IRAK2: variants seen among roughly 807,000 people sequenced by gnomAD.
IRAK2 encodes interleukin-1 receptor-associated kinase-like 2.
IRAK2 carries 57 observed loss-of-function variants against 72.0 expected under a neutral mutation model. That is an observed-to-expected ratio of 0.79 (90% confidence interval 0.64 to 0.99). The LOEUF (loss-of-function observed/expected upper bound fraction) is 0.99. IRAK2 is among the 50% of genes least tolerant of loss of function. The probability of loss-of-function intolerance (pLI) is 0.00; values close to 1 mark genes in which losing one functional copy is unlikely to be tolerated. For missense variants in IRAK2, 790 were observed against 794.4 expected, an observed-to-expected ratio of 0.99 and a Z score of 0.07; for synonymous variants, 293 against 312.7, an observed-to-expected ratio of 0.94 and a Z score of 0.67.
chr3:10,213,266 T>C lies in IRAK2; in HGVS notation c.588T>C (p.Leu196=), dbSNP rs1341286969. 1 of 1,614,150 alleles carries C rather than the reference T, an allele frequency of 6.2e-7. No homozygotes were observed. The highest frequency in any genetic ancestry group is 1.7e-5 in the Admixed American group (1 of 60,004). ...TTTTGAGCTTGGCTGGAGACAGCCTTTTCTGGAGTGAGGCAGACGTGGTCC... is the reference window on the plus strand; with the variant it reads ...TTTTGAGCTTGGCTGGAGACAGCCTCTTCTGGAGTGAGGCAGACGTGGTCC... ...EKLLSLAGDS[L]FWSEADVVQA... Residue 196 remains leucine, a synonymous_variant, in exon 5 of 13, where the codon CTT becomes CTC. Transcript: ENST00000256458.
intron 1 of IRAK2, among the ~76,000 whole-genome samples, chr3:10,171,813 T>G (rs1696798768): frequency 6.7e-6 from 1 of 148,622 alleles, no homozygotes; most frequent in Non-Finnish European, 1.5e-5. Context: ...TTGCCCAGGC[T>G]GGAGTCCAAT....
chr3:10,220,174 C>A (rs1392827896), intron 8 of IRAK2, among the ~76,000 whole-genome samples: 1 of 152,218 alleles, frequency 6.6e-6, no homozygotes, highest in African/African-American at 2.4e-5. Flanking sequence ...CGTTCAGTGT[C>A]TTTTCTGAGA....
At chr3:10,207,832 A>C (rs141405945) in intron 3 of IRAK2, among the ~76,000 whole-genome samples, 2,936 of 152,112 alleles carry the variant, frequency 0.019, 74 homozygotes, top group East Asian at 0.08. Context: ...ATCTCTAATA[A>C]AAATACAAAA....
At chr3:10,204,843 A>G (rs2125152933) in intron 3 of IRAK2, among the ~76,000 whole-genome samples, 1 of 152,248 alleles carries the variant, frequency 6.6e-6, no homozygotes, top group African/African-American at 2.4e-5. Flanking sequence ...TTTTTTAGCT[A>G]AGTCCTGGCA....
At chr3:10,174,017 T>C (rs575496833) in intron 1 of IRAK2, among the ~76,000 whole-genome samples, 285 of 152,278 alleles carry the variant, frequency 1.9e-3, no homozygotes, top group African/African-American at 5.9e-3. Flanking sequence ...GCTGAGTTCC[T>C]GCTGCCACCC....
chr3:10,184,851 T>C (rs942807442), intron 2 of IRAK2, among the ~76,000 whole-genome samples: 1 of 148,646 alleles, frequency 6.7e-6, no homozygotes, highest in Admixed American at 6.7e-5. Context: ...TGCCTCAGCC[T>C]CCCGAGTAGC....
At chr3:10,194,226 G>C (rs916000745) in intron 2 of IRAK2, among the ~76,000 whole-genome samples, 1 of 151,136 alleles carries the variant, frequency 6.6e-6, no homozygotes, top group Non-Finnish European at 1.5e-5. Flanking sequence ...GAATCGCAGA[G>C]CTTGGGTCTG....
chr3:10,172,318 G>A (rs1484830545), intron 1 of IRAK2, among the ~76,000 whole-genome samples: 1 of 151,754 alleles, frequency 6.6e-6, no homozygotes, highest in Non-Finnish European at 1.5e-5. Flanking sequence ...AGTGAGCAGA[G>A]ATCGCACCAC....
chr3:10,239,980 C>G (rs1698026914), intron 12 of IRAK2, among the ~76,000 whole-genome samples: 1 of 150,718 alleles, frequency 6.6e-6, no homozygotes, highest in South Asian at 2.1e-4. Flanking sequence ...AACCCTGTCT[C>G]TACTAAAAAT....
intron 2 of IRAK2, among the ~76,000 whole-genome samples, chr3:10,197,719 G>C (rs540240257): frequency 6.7e-6 from 1 of 150,294 alleles, no homozygotes; most frequent in African/African-American, 2.4e-5. Flanking sequence ...GGGTGTGGTG[G>C]TGGGCGCCTA....
chr3:10,232,068 A>C (rs1458113090), intron 10 of IRAK2, among the ~76,000 whole-genome samples: 2 of 152,190 alleles, frequency 1.3e-5, no homozygotes, highest in Non-Finnish European at 2.9e-5. Flanking sequence ...CGGAGCTTGC[A>C]GTGAGCCGAG....
chr3:10,172,222 C>A (rs1437235728), intron 1 of IRAK2, among the ~76,000 whole-genome samples: 1 of 151,400 alleles, frequency 6.6e-6, no homozygotes, highest in African/African-American at 2.4e-5. Context: ...AAAAAATTAG[C>A]CGGGCATGGT....
chr3:10,210,015 G>A (rs1408722108), intron 4 of IRAK2, among the ~76,000 whole-genome samples: 2 of 152,170 alleles, frequency 1.3e-5, no homozygotes, highest in Non-Finnish European at 2.9e-5. Context: ...CGCTTCCCGG[G>A]TTCAAGTGAT....
chr3:10,168,702 C>T (rs2125138504), intron 1 of IRAK2, among the ~76,000 whole-genome samples: 1 of 152,310 alleles, frequency 6.6e-6, no homozygotes, highest in East Asian at 1.9e-4. Context: ...GAACACCTTG[C>T]CAGGCATGTT....
intron 8 of IRAK2, among the ~76,000 whole-genome samples, chr3:10,221,113 C>T (rs932887631): frequency 1.3e-5 from 2 of 151,062 alleles, no homozygotes; most frequent in Admixed American, 1.3e-4. Context: ...TTTTTTTTGG[C>T]CGGGCGCGGT....
chr3:10,225,848 G>A (rs1481569037), intron 9 of IRAK2, among the ~76,000 whole-genome samples: 6 of 151,848 alleles, frequency 4.0e-5, no homozygotes, highest in Non-Finnish European at 7.4e-5. Flanking sequence ...ACAGGCACCC[G>A]CCACCGCGCC....
At chr3:10,204,488 C>T (rs1392819240) in intron 3 of IRAK2, among the ~76,000 whole-genome samples, 1 of 152,120 alleles carries the variant, frequency 6.6e-6, no homozygotes, top group African/African-American at 2.4e-5. Context: ...GGCATATTAG[C>T]CTCAGTAGAA....
intron 6 of IRAK2, 55 bp from the exon 7 acceptor site, chr3:10,216,879 A>G: frequency 7.7e-7 from 1 of 1,307,066 alleles, no homozygotes; most frequent in South Asian, 1.2e-5. Context: ...GACATGAGGA[A>G]GTAGATCATT....
chr3:10,215,414 AT>A (rs869051233), intron 6 of IRAK2, among the ~76,000 whole-genome samples: 23,837 of 131,816 alleles, frequency 0.18, 2,909 homozygotes, highest in Non-Finnish European at 0.28. Flanking sequence ...AAAAAAAAAA[AT>A]TAATTAATTA....
Sources: allele counts gnomAD v4.1 joint callset (sites outside exome capture counted in the v4.1 genomes callset), GRCh38; gene constraint gnomAD v4.1.1; transcripts MANE v1.5; gene names NCBI Gene and HGNC (gene_info 2026-07-23, HGNC 2026-07-21).